The following CNIH3 variants were observed in gnomAD, a reference collection of about 807,000 sequenced individuals.
CNIH3 encodes protein cornichon homolog 3.
CNIH3 carries 14 observed loss-of-function variants against 24.1 expected under a neutral mutation model. The observed-to-expected ratio is 0.58, with a 90% confidence interval of 0.38 to 0.91. The LOEUF is 0.91. Ranked by LOEUF, CNIH3 falls within the 40% of genes least tolerant of loss-of-function variation. CNIH3 has a pLI of 0.00. For synonymous variants in CNIH3, 68 were observed against 73.8 expected, an observed-to-expected ratio of 0.92 and a Z score of 0.40; for missense variants, 178 against 196.8, an observed-to-expected ratio of 0.90 and a Z score of 0.57.
chr1:224,641,309 G>A (rs1413257770), intron 1 of CNIH3, among the ~76,000 whole-genome samples: 3 of 152,182 alleles, frequency 2.0e-5, no homozygotes, highest in Non-Finnish European at 2.9e-5. Flanking sequence ...GTCAATTCCC[G>A]GGGAACAGTG....
intron 1 of CNIH3, among the ~76,000 whole-genome samples, chr1:224,673,938 G>T (rs1161257150): frequency 6.6e-6 from 1 of 152,194 alleles, no homozygotes; most frequent in African/African-American, 2.4e-5. Context: ...AGTGTGGGTT[G>T]TCCCTCATTC....
intron 1 of CNIH3, among the ~76,000 whole-genome samples, chr1:224,452,535 A>G (rs1235861675): frequency 2.0e-5 from 3 of 151,866 alleles, no homozygotes; most frequent in Non-Finnish European, 1.5e-5. Context: ...TAATCCCAGC[A>G]CTTTGGGAGG....
At chr1:224,522,953 G>A (rs1558128282) in intron 2 of CNIH3, among the ~76,000 whole-genome samples, 1 of 152,194 alleles carries the variant, frequency 6.6e-6, no homozygotes, top group African/African-American at 2.4e-5. Flanking sequence ...AAATGTGCTG[G>A]CTTGGTGCCA....
chr1:224,671,341 C>G (rs947930111), intron 1 of CNIH3, among the ~76,000 whole-genome samples: 3 of 152,182 alleles, frequency 2.0e-5, no homozygotes, highest in African/African-American at 7.2e-5. Context: ...CTTGGTCATA[C>G]GGGCATAAGT....
At position 224,604,728 on chromosome 1, in the gene CNIH3, C is replaced by T. The variant is rs74149618; in HGVS notation, n.402+38464C>T. Among the ~76,000 whole-genome samples, 1,263 of 152,288 alleles carry T rather than the reference C, an allele frequency of 8.3e-3. 20 individuals are homozygous for T. The highest frequency in any genetic ancestry group is 0.029 in the African/African-American group (1,203 of 41,556). On this transcript the variant is annotated intron_variant and non_coding_transcript_variant, in intron 3 of 7. Transcript: ENST00000478120. This position sits in a 1 kb window ranked among gnomAD's most constrained non-coding sequence, Gnocchi z 4.4. ...CACTTTGCAAGCCAGGGACCCTTGC[C>T]GGTGACACCTGGCCCAGGCGTCACT... is the stretch of plus-strand genomic sequence containing the variant.
At chr1:224,629,584 G>A (rs1683718018) in intron 1 of CNIH3, among the ~76,000 whole-genome samples, 1 of 152,154 alleles carries the variant, frequency 6.6e-6, no homozygotes, top group Admixed American at 6.5e-5. Flanking sequence ...GGCTACAGTG[G>A]ATAATGCTGC....
chr1:224,550,972 C>T (rs963991921), intron 3 of CNIH3, among the ~76,000 whole-genome samples: 39 of 151,006 alleles, frequency 2.6e-4, no homozygotes, highest in Middle Eastern at 3.4e-3. Context: ...TTTGTCCTTG[C>T]GATAGTTTGC....
chr1:224,441,140 C>T (rs138944837), intron 1 of CNIH3, among the ~76,000 whole-genome samples: 12 of 152,112 alleles, frequency 7.9e-5, no homozygotes, highest in Admixed American at 7.2e-4. Flanking sequence ...TTAAAAAGTG[C>T]CAAGGGGTTA....
chr1:224,696,671 G>T (rs7545558), intron 3 of CNIH3, among the ~76,000 whole-genome samples: 3 of 152,284 alleles, frequency 2.0e-5, no homozygotes, highest in Non-Finnish European at 4.4e-5. Context: ...TGATGGAACA[G>T]CCCAATAGGT....
chr1:224,710,042 T>G (rs1187281006), intron 3 of CNIH3, among the ~76,000 whole-genome samples: 1 of 152,236 alleles, frequency 6.6e-6, no homozygotes, highest in Non-Finnish European at 1.5e-5. Context: ...CATACTGTGA[T>G]AAAAGTTATA....
chr1:224,643,798 G>A (rs1684474930), intron 1 of CNIH3, among the ~76,000 whole-genome samples: 1 of 152,220 alleles, frequency 6.6e-6, no homozygotes, highest in South Asian at 2.1e-4. Context: ...AAGAGGAGGG[G>A]CCGGACTCCT....
intron 1 of CNIH3, among the ~76,000 whole-genome samples, chr1:224,500,057 G>A (rs1409909979): frequency 2.0e-4 from 30 of 152,130 alleles, no homozygotes; most frequent in Non-Finnish European, 5.9e-5. Flanking sequence ...AGGCTGAAGT[G>A]TAGTGGCACA....
chr1:224,457,609 T>C (rs746470273), intron 1 of CNIH3, among the ~76,000 whole-genome samples: 8 of 151,396 alleles, frequency 5.3e-5, no homozygotes, highest in Non-Finnish European at 1.2e-4. Flanking sequence ...AGGAATCCTG[T>C]TAAGGGAGGA....
At chr1:224,630,080 G>T (rs1683743135) in intron 1 of CNIH3, among the ~76,000 whole-genome samples, 1 of 152,170 alleles carries the variant, frequency 6.6e-6, no homozygotes, top group African/African-American at 2.4e-5. Flanking sequence ...TCACCAGGAA[G>T]AGAGTAGCGG....
chr1:224,603,240 G>A (rs1407105134), intron 3 of CNIH3, among the ~76,000 whole-genome samples: 1 of 152,198 alleles, frequency 6.6e-6, no homozygotes, highest in Non-Finnish European at 1.5e-5. Context: ...GAGATACCTG[G>A]CCTTTTATCT....
intron 4 of CNIH3, 56 bp downstream of exon 4, chr1:224,730,630 C>G: frequency 9.4e-7 from 1 of 1,059,418 alleles, no homozygotes; most frequent in South Asian, 1.4e-5. Flanking sequence ...GCAGCCTGCT[C>G]TCCAGTGATG....
rs532386265 is a variant in CNIH3, at chr1:224,617,163, G to A, written c.-12G>A. On this transcript the variant is annotated 5_prime_UTR_variant, in exon 1 of 6. Transcript: ENST00000272133. ...TTCTTGGCGTGTGTGGTGGGATTGGGGTCCGCCGGCCATGGCCTTCACTTT... is the reference window on the plus strand; with the variant it reads ...TTCTTGGCGTGTGTGGTGGGATTGGAGTCCGCCGGCCATGGCCTTCACTTT... The A allele has an allele frequency of 3.0e-5, 49 of 1,613,740 alleles. No individual in the cohort carries two copies. Among genetic ancestry groups the A allele is most frequent in the Non-Finnish European group, 4.2e-5 (49 of 1,179,814 alleles).
At chr1:224,564,844 A>G (rs1009725139) in intron 3 of CNIH3, among the ~76,000 whole-genome samples, 9 of 152,256 alleles carry the variant, frequency 5.9e-5, no homozygotes, top group Admixed American at 2.0e-4. Flanking sequence ...ACAAATGTGT[A>G]ACGATACCTG....
At chr1:224,664,823 G>A (rs575782588) in intron 1 of CNIH3, 2 of 152,240 alleles carry the variant, frequency 1.3e-5, no homozygotes, top group South Asian at 4.2e-4. Context: ...CAGCCTTGAA[G>A]TCCTGGGCTC....
Sources: gnomAD v4.1 joint callset for allele counts (sites outside exome capture counted in the v4.1 genomes callset) on GRCh38, gnomAD v4.1.1 for gene constraint, Gnocchi (gnomAD v3.1) non-coding constraint, MANE v1.5 for transcripts, NCBI Gene and HGNC (gene_info 2026-07-23, HGNC 2026-07-21) for gene names.